Variants in GSN observed in about 807,000 individuals in gnomAD.
GSN encodes the protein actin-depolymerizing factor.
A neutral mutation model predicts 85.7 loss-of-function variants in GSN; 56 were observed. The observed-to-expected ratio is 0.65, with a 90% CI of 0.53 to 0.82. GSN has a LOEUF of 0.82. GSN is among the 40% of genes least tolerant of loss of function. The pLI, the probability that GSN is intolerant of heterozygous loss-of-function variation, is 0.00. For synonymous variants in GSN, 373 were observed against 399.1 expected (o/e 0.93, Z 0.78); for missense variants, 857 against 979.8 (o/e 0.87, Z 1.67).
intron 5 of GSN, among the ~76,000 whole-genome samples, chr9:121,242,302 CAG>C (rs1054373151): frequency 6.6e-6 from 1 of 152,142 alleles, no homozygotes; most frequent in Non-Finnish European, 1.5e-5. Flanking sequence ...AAAGCTAAAA[CAG>C]GGAGGAAACA....
chr9:121,298,031 C>G (rs2059377664), intron 2 of GSN, among the ~76,000 whole-genome samples: 1 of 152,184 alleles, frequency 6.6e-6, no homozygotes, highest in Admixed American at 6.5e-5. Context: ...TAGGCCAGAG[C>G]TGGCCCACTG....
chr9:121,322,976 C>A, intron 11 of GSN, among the ~76,000 whole-genome samples: 1 of 151,514 alleles, frequency 6.6e-6, no homozygotes, highest in East Asian at 1.9e-4. Context: ...GGACTACTTG[C>A]CACTACTCAC....
chr9:121,236,383 C>G (rs1346492181), intron 5 of GSN, among the ~76,000 whole-genome samples: 1 of 151,956 alleles, frequency 6.6e-6, no homozygotes, highest in Non-Finnish European at 1.5e-5. Flanking sequence ...CCACGGCCGG[C>G]AAATTTTTGT....
intron 10 of GSN, 122 bp downstream of exon 10, chr9:121,319,002 T>C (rs2062054721): frequency 1.2e-6 from 1 of 815,518 alleles, no homozygotes; most frequent in Non-Finnish European, 2.0e-6. Flanking sequence ...GCTGAGATTC[T>C]TTGGTGTTAC....
intron 5 of GSN, among the ~76,000 whole-genome samples, chr9:121,235,267 G>A (rs10513362): frequency 0.054 from 8,179 of 152,282 alleles, 458 homozygotes; most frequent in Admixed American, 0.14. Flanking sequence ...CAAGACGTGA[G>A]CTTGTCCTTA....
At chr9:121,227,501 C>T (rs1180980970) in intron 4 of GSN, among the ~76,000 whole-genome samples, 2 of 152,060 alleles carry the variant, frequency 1.3e-5, no homozygotes, top group Non-Finnish European at 2.9e-5. Flanking sequence ...GTGGGAGCCT[C>T]GATTTATAGC....
chr9:121,331,477 GGAGGGGT>G, intron 17 of GSN, 29 bp downstream of exon 17: 2 of 1,328,672 alleles, frequency 1.5e-6, no homozygotes, highest in South Asian at 1.2e-5. Flanking sequence ...GGGGGCGGGG[GGAGGGGT>G]CCGTTGCTTG....
At chr9:121,317,241 C>A in intron 8 of GSN, 23 bp downstream of exon 8, 1 of 1,613,266 alleles carries the variant, frequency 6.2e-7, no homozygotes, top group South Asian at 1.1e-5. Context: ...GGGAAAGGGT[C>A]CCAACTGGCC....
chr9:121,276,981 G>T (rs377051130), intron 1 of GSN, among the ~76,000 whole-genome samples: 3 of 152,026 alleles, frequency 2.0e-5, no homozygotes, highest in African/African-American at 7.2e-5. Context: ...GTGGTCATAC[G>T]CCTAGTTTGT....
intron 4 of GSN, among the ~76,000 whole-genome samples, chr9:121,223,331 T>TC (rs139759148): frequency 0.017 from 2,560 of 152,246 alleles, 65 homozygotes; most frequent in African/African-American, 0.059. Context: ...CCTGCCCTGC[T>TC]CATGTCTGAC....
intron 2 of GSN, chr9:121,210,150 C>T (rs187183324): frequency 6.6e-6 from 1 of 152,326 alleles, no homozygotes; most frequent in East Asian, 1.9e-4. Flanking sequence ...CGGATTTAAA[C>T]CTTATCACAA....
chr9:121,313,843 C>T, intron 6 of GSN, 91 bp from the exon 7 acceptor site: 1 of 995,594 alleles, frequency 1.0e-6, no homozygotes. Flanking sequence ...CAGTGGATGT[C>T]CTTGTGATCC....
At chr9:121,272,093 C>T (rs1012340858) in intron 1 of GSN, among the ~76,000 whole-genome samples, 1 of 152,180 alleles carries the variant, frequency 6.6e-6, no homozygotes, top group Non-Finnish European at 1.5e-5. Flanking sequence ...GTAAAAATAT[C>T]TCCTCGCTTT....
chr9:121,277,441 T>C (rs1319145870), intron 1 of GSN, among the ~76,000 whole-genome samples: 1 of 151,922 alleles, frequency 6.6e-6, no homozygotes, highest in Admixed American at 6.5e-5. Flanking sequence ...ACACTTTCAG[T>C]TGCAAGATTT....
chr9:121,281,964 TG>T, intron 2 of GSN: 1 of 471,804 alleles, frequency 2.1e-6, no homozygotes, highest in South Asian at 1.5e-5. Flanking sequence ...GTGAGAAAAA[TG>T]GGGGTCCATT....
At chr9:121,253,800 A>G (rs751757879) in intron 6 of GSN, among the ~76,000 whole-genome samples, 8 of 152,150 alleles carry the variant, frequency 5.3e-5, no homozygotes, top group Non-Finnish European at 1.0e-4. Context: ...TTGTTGCTCA[A>G]ACAATGTCCC....
intron 2 of GSN, chr9:121,286,498 A>C: frequency 9.1e-7 from 1 of 1,096,876 alleles, no homozygotes; most frequent in Non-Finnish European, 1.3e-6. Context: ...TGTTGTTCCC[A>C]CCTTCCCAAA....
chr9:121,238,979 G>A, intron 5 of GSN: 1 of 527,122 alleles, frequency 1.9e-6, no homozygotes, highest in South Asian at 1.4e-5. Context: ...ACATTGATAG[G>A]TGGGTAAATC....
chr9:121,245,966 T>C (rs2054691168), intron 5 of GSN, among the ~76,000 whole-genome samples: 1 of 152,228 alleles, frequency 6.6e-6, no homozygotes, highest in African/African-American at 2.4e-5. Flanking sequence ...TGTTATAGTA[T>C]ATTTACTGAA....
Sources: gnomAD v4.1 joint callset for allele counts (sites outside exome capture counted in the v4.1 genomes callset) on GRCh38, gnomAD v4.1.1 for gene constraint, MANE v1.5 for transcripts, NCBI Gene and HGNC (gene_info 2026-07-23, HGNC 2026-07-21) for gene names.